NPAS2: variants seen among roughly 807,000 people sequenced by gnomAD.
The protein encoded by NPAS2 is neuronal PAS domain protein 2.
Under a neutral mutation model 107.5 loss-of-function variants are expected in NPAS2, and 23 were observed. The observed-to-expected ratio is 0.21, with a 90% CI of 0.15 to 0.30. The LOEUF (loss-of-function observed/expected upper bound fraction) is 0.30, where lower values mean the gene tolerates loss of function less well. Among genes scored for constraint, NPAS2 ranks in the 10% least tolerant of loss-of-function variants. The pLI is 1.00. For synonymous variants in NPAS2, 403 were observed against 417.5 expected, an observed-to-expected ratio of 0.97 and a Z score of 0.42; for missense variants, 756 against 1,043.3, an observed-to-expected ratio of 0.72 and a Z score of 3.79.
chr2:100,880,473 A>G (rs1680261323), intron 1 of NPAS2, among the ~76,000 whole-genome samples: 1 of 152,220 alleles, frequency 6.6e-6, no homozygotes, highest in African/African-American at 2.4e-5. Flanking sequence ...AAATTCTGAA[A>G]TATGCCCGAA....
chr2:100,959,851 G>A (rs1168655031), intron 7 of NPAS2, among the ~76,000 whole-genome samples: 1 of 152,158 alleles, frequency 6.6e-6, no homozygotes, highest in Non-Finnish European at 1.5e-5. Flanking sequence ...ATACTTAATT[G>A]TTCTGATGAC....
rs576998434 is a variant in NPAS2, at chr2:100,953,311, T to C, written c.598+3831T>C. Among the ~76,000 whole-genome samples, 219 of 148,078 alleles carry C rather than the reference T, an allele frequency of 1.5e-3. 2 individuals are homozygous for C. The highest frequency in any genetic ancestry group is 5.3e-3 in the African/African-American group (213 of 39,888). On this transcript the variant is annotated intron_variant, in intron 7 of 20. Transcript: ENST00000335681. ...ATGGCTTGAACCCGGGAGGCGGAGGTTACAGTGAGTCGAGATCACGCCACA... is the reference window on the plus strand; with the variant it reads ...ATGGCTTGAACCCGGGAGGCGGAGGCTACAGTGAGTCGAGATCACGCCACA...
intron 14 of NPAS2, 96 bp downstream of exon 14, chr2:100,975,663 GT>G: frequency 1.2e-6 from 1 of 867,158 alleles, no homozygotes; most frequent in South Asian, 2.0e-5. Context: ...CAGAGAATCC[GT>G]TTTACTTAGG....
At chr2:100,865,464 G>A (rs1356062693) in intron 1 of NPAS2, among the ~76,000 whole-genome samples, 1 of 152,130 alleles carries the variant, frequency 6.6e-6, no homozygotes, top group Admixed American at 6.5e-5. Context: ...TGACCTTTCG[G>A]AAGCTCACAA....
At chr2:100,832,376 A>G (rs887679275) in intron 1 of NPAS2, among the ~76,000 whole-genome samples, 2 of 152,122 alleles carry the variant, frequency 1.3e-5, no homozygotes, top group Non-Finnish European at 2.9e-5. Flanking sequence ...GACGGTTGCC[A>G]TGTTGTACCT....
rs781050905 is a variant in NPAS2, at chr2:100,971,095, T to C, written c.1140+21T>C. The C allele has an allele frequency of 4.3e-6, 7 of 1,609,822 alleles. No individual in the cohort carries two copies. The South Asian group carries it at 6.6e-5, about 15-fold the overall frequency. ...TAAAGGTACGCCCATCCCTGCCAGA[T>C]GGATACGGCAAAGGTTGGCTAGGAA... On this transcript the variant is annotated intron_variant, in intron 12 of 20. Coordinates refer to ENST00000335681, the MANE Select transcript of NPAS2 (RefSeq NM_002518.4).
intron 1 of NPAS2, among the ~76,000 whole-genome samples, chr2:100,833,613 AGT>A (rs1232680636): frequency 1.3e-5 from 2 of 152,222 alleles, no homozygotes; most frequent in African/African-American, 2.4e-5. Flanking sequence ...GGGGCTGCAC[AGT>A]GTGCTTTTGA....
At chr2:100,970,373 C>A (rs1676467272) in intron 11 of NPAS2, among the ~76,000 whole-genome samples, 1 of 152,138 alleles carries the variant, frequency 6.6e-6, no homozygotes, top group African/African-American at 2.4e-5. Flanking sequence ...TTCCGGAGGC[C>A]CAGGAGCCAC....
intron 4 of NPAS2, among the ~76,000 whole-genome samples, chr2:100,935,632 A>T (rs1684254152): frequency 6.6e-6 from 1 of 152,044 alleles, no homozygotes; most frequent in Admixed American, 6.5e-5. Flanking sequence ...TGCTTTAGAC[A>T]TTCAGGAGGG....
At chr2:100,969,255 CCATGGTG>C (rs1259131568) in intron 11 of NPAS2, among the ~76,000 whole-genome samples, 3 of 151,722 alleles carry the variant, frequency 2.0e-5, no homozygotes, top group Non-Finnish European at 4.4e-5. Context: ...TATATATGTG[CCATGGTG>C]CATGGTGCCA....
chr2:100,885,669 T>A (rs998112113), intron 1 of NPAS2, among the ~76,000 whole-genome samples: 1 of 152,220 alleles, frequency 6.6e-6, no homozygotes, highest in African/African-American at 2.4e-5. Flanking sequence ...GTAGGACTAA[T>A]GTATAGCCTA....
rs145024838 is a variant in NPAS2 at position 100,922,132 on chromosome 2, G to A, written c.33-3014G>A. ...TGGTTGGTTGCCTGTGGCTATGGCT[G>A]GGGGTGGGCGGATCAATCACAAAGA... On this transcript the variant is annotated intron_variant, in intron 2 of 20. Coordinates refer to ENST00000335681, the MANE Select transcript of NPAS2 (RefSeq NM_002518.4). 1.2e-3 allele frequency among the ~76,000 whole-genome samples: 183 copies of A among 152,280 alleles called. 1 individual carries two copies. Among genetic ancestry groups the A allele is most frequent in the African/African-American group, 4.3e-3 (178 of 41,556 alleles).
At chr2:100,973,229 C>T (rs1193900097) in intron 12 of NPAS2, among the ~76,000 whole-genome samples, 22 of 152,122 alleles carry the variant, frequency 1.4e-4, no homozygotes, top group Admixed American at 1.4e-3. Context: ...TAAGAAATCC[C>T]TTTAAAGTAA....
chr2:100,869,995 C>T (rs1679481252), intron 1 of NPAS2, among the ~76,000 whole-genome samples: 1 of 151,036 alleles, frequency 6.6e-6, no homozygotes, highest in South Asian at 2.1e-4. Context: ...AGCTCTGCCT[C>T]CCGGGTTCAC....
chr2:100,986,322 G>A (rs193040041), intron 16 of NPAS2: 3 of 152,298 alleles, frequency 2.0e-5, no homozygotes, highest in Admixed American at 2.0e-4. Context: ...ACAGATGCTT[G>A]AGCGAACTGA....
At chr2:100,971,501 G>A (rs1238682010) in intron 12 of NPAS2, among the ~76,000 whole-genome samples, 2 of 152,110 alleles carry the variant, frequency 1.3e-5, no homozygotes, top group African/African-American at 4.8e-5. Context: ...GTCTTCCTTT[G>A]CTTGAGGGCC....
At chr2:100,989,432 G>C (rs906722261) in intron 17 of NPAS2, 1 of 152,194 alleles carries the variant, frequency 6.6e-6, no homozygotes, top group Non-Finnish European at 1.5e-5. Context: ...TGATTTAAAA[G>C]GTCATCAGAA....
intron 1 of NPAS2, among the ~76,000 whole-genome samples, chr2:100,875,569 C>T (rs1679909677): frequency 6.6e-6 from 1 of 152,034 alleles, no homozygotes; most frequent in East Asian, 1.9e-4. Flanking sequence ...CAGTCGCTTT[C>T]CTTAGCTGGT....
chr2:100,820,948 G>A lies in NPAS2; in HGVS notation c.-23+534G>A, dbSNP rs936160677. ...TGCGGAATCGGTGCCCCCAACCCCC[G>A]TGTGCGCAGACAGCGTGCAGCCTGG... is the stretch of plus-strand genomic sequence containing the variant. On this transcript the variant is annotated intron_variant, in intron 1 of 20. Coordinates refer to ENST00000335681, the MANE Select transcript of NPAS2 (RefSeq NM_002518.4). The surrounding 1 kb of genome is among the most constrained non-coding windows in gnomAD (Gnocchi z 5.6). The A allele has an allele frequency of 9.3e-6, 7 of 750,534 alleles. No homozygotes were observed. The highest frequency in any genetic ancestry group is 7.2e-5 in the South Asian group (4 of 55,642). 46.5% of individuals were successfully genotyped at this position (750,534 alleles called of 1,614,324 possible).
Sources: gnomAD v4.1 joint callset for allele counts (sites outside exome capture counted in the v4.1 genomes callset) on GRCh38, gnomAD v4.1.1 for gene constraint, Gnocchi (gnomAD v3.1) non-coding constraint, MANE v1.5 for transcripts, NCBI Gene and HGNC (gene_info 2026-07-23, HGNC 2026-07-21) for gene names.